Variants in PRPF8 observed in about 807,000 individuals in gnomAD.
The protein encoded by PRPF8 is pre-mRNA processing factor 8.
Under a neutral mutation model 285.9 loss-of-function variants are expected in PRPF8, and 64 were observed. The ratio of observed to expected loss-of-function variants is 0.22; its 90% confidence interval spans 0.18 to 0.28. The LOEUF is 0.28. Among genes scored for constraint, PRPF8 ranks in the 10% least tolerant of loss-of-function variants. The pLI is 1.00. For missense variants in PRPF8, 1,426 were observed against 3,026.7 expected (o/e 0.47, Z 12.41); for synonymous variants, 1,325 against 1,118.2 (o/e 1.18, Z -3.69).
At chr17:1,683,409 C>T (rs1482942659) in intron 3 of PRPF8, 124 bp downstream of exon 3, 3 of 1,085,338 alleles carry the variant, frequency 2.8e-6, no homozygotes, top group Non-Finnish European at 4.2e-6. Context: ...GAGACTCCTA[C>T]TGGTTTTCTC....
rs551668208 is a variant in PRPF8 at position 1,662,294 on chromosome 17, C to A, written c.3775-141G>T. ...CATTAGTCACTAGGGAAATAGAAAG[C>A]AAAACACAATGAGGCTGGGCGCGAT... On this transcript the variant is annotated intron_variant, in intron 24 of 42. Transcript: ENST00000304992. 9.4e-5 allele frequency: 97 copies of A among 1,035,586 alleles called. No individual in the cohort carries two copies. The African/African-American group carries it at 1.5e-3, about 16-fold the overall frequency. 64.1% of individuals were successfully genotyped at this position (1,035,586 alleles called of 1,614,324 possible). A position where few individuals can be genotyped will look rare whatever the true frequency, so the allele number is the denominator to read the frequency against.
At position 1,661,460 on chromosome 17, in the gene PRPF8, G is replaced by A; in HGVS notation, c.4203-54C>T. 4 of 1,613,394 alleles carry A rather than the reference G, an allele frequency of 2.5e-6. No individual in the cohort carries two copies. The highest frequency in any genetic ancestry group is 2.5e-6 in the Non-Finnish European group (3 of 1,179,852). On this transcript the variant is annotated intron_variant, in intron 26 of 42. Coordinates refer to ENST00000304992, the MANE Select transcript of PRPF8 (RefSeq NM_006445.4). The surrounding 1 kb of genome is among the most constrained non-coding windows in gnomAD (Gnocchi z 7.3). ...AACGTGATCTCATATGAGGAGCTCA[G>A]CACTCCTTCCTGGCCAAAAATAATT...
chr17:1,684,220 T>C (rs1219322824), intron 2 of PRPF8, among the ~76,000 whole-genome samples: 1 of 152,180 alleles, frequency 6.6e-6, no homozygotes, highest in African/African-American at 2.4e-5. Flanking sequence ...AAGGTTTTGT[T>C]ATTCTCTGTC....
intron 1 of PRPF8, 22 bp from the exon 2 acceptor site, chr17:1,684,604 A>T (rs1167829482): frequency 6.2e-7 from 1 of 1,608,364 alleles, no homozygotes; most frequent in Non-Finnish European, 8.5e-7. Flanking sequence ...CGGGATAGAA[A>T]AATTCACTAA....
chr17:1,674,858 A>G (rs1912528625), intron 20 of PRPF8, among the ~76,000 whole-genome samples, 178 bp from the exon 21 acceptor site: 1 of 151,918 alleles, frequency 6.6e-6, no homozygotes, highest in Non-Finnish European at 1.5e-5. Context: ...TGCAACCTCC[A>G]CTTCCCGGGT....
intron 24 of PRPF8, among the ~76,000 whole-genome samples, chr17:1,665,605 A>T (rs548036109): frequency 3.9e-5 from 6 of 152,020 alleles, no homozygotes; most frequent in Admixed American, 3.9e-4. Flanking sequence ...GCACTTTGGG[A>T]GGACGAGGCA....
chr17:1,660,604 T>A, intron 29 of PRPF8, 26 bp from the exon 30 acceptor site: 1 of 1,614,174 alleles, frequency 6.2e-7, no homozygotes, highest in Non-Finnish European at 8.5e-7. Flanking sequence ...CAATGTGACA[T>A]TAGAGATCAA....
Position 1,651,237 on chromosome 17 carries a change from T to G in PRPF8, c.6724A>C (p.Thr2242Pro). Reference protein sequence around the residue: ...PSGYEWGRQNTDKGNNPKGYL... With the variant: ...PSGYEWGRQNPDKGNNPKGYL... ...CCCTTGGGGTTGTTGCCCTTGTCTG[T>G]GTTCTGGCGGCCCCATTCGTAGCCA... Residue 2242 changes from threonine to proline, a missense_variant, in exon 42 of 43, where the codon ACA (threonine) becomes CCA (proline). By Grantham distance (38) the Thr-to-Pro change is conservative. This residue lies in a region of PRPF8 where 160 missense variants were observed against 373.7 expected (regional missense o/e 0.43). Coordinates refer to ENST00000304992, the MANE Select transcript of PRPF8 (RefSeq NM_006445.4). The surrounding 1 kb of genome is among the most constrained non-coding windows in gnomAD (Gnocchi z 5.1). 6.2e-7 allele frequency: 1 copy of G among 1,614,102 alleles called. No homozygotes were observed. The highest frequency in any genetic ancestry group is 8.5e-7 in the Non-Finnish European group (1 of 1,180,026).
At chr17:1,670,685 C>T (rs962725327) in intron 24 of PRPF8, among the ~76,000 whole-genome samples, 2 of 152,082 alleles carry the variant, frequency 1.3e-5, no homozygotes, top group Non-Finnish European at 2.9e-5. Flanking sequence ...TGGGGTTTCC[C>T]CATGTTGGTC....
intron 6 of PRPF8, among the ~76,000 whole-genome samples, 178 bp from the exon 7 acceptor site, chr17:1,681,232 G>A (rs1912906015): frequency 6.6e-6 from 1 of 151,984 alleles, no homozygotes; most frequent in African/African-American, 2.4e-5. Context: ...ACGAAGCTGT[G>A]AGTGTCACCA....
In PRPF8 at chr17:1,676,766, C is replaced by T. The variant is rs933557404; in HGVS notation, c.2182-55G>A. ...GGATCCAGCCAGGCACTGTGGCACA[C>T]ATCTGTAGTCCCGGCTACTCAGGAG... On this transcript the variant is annotated intron_variant, in intron 15 of 42. Coordinates refer to ENST00000304992, the MANE Select transcript of PRPF8 (RefSeq NM_006445.4). This position sits in a 1 kb window ranked among gnomAD's most constrained non-coding sequence, Gnocchi z 6.3. The T allele has an allele frequency of 5.0e-6, 8 of 1,590,808 alleles. 1 individual carries two copies. The South Asian group carries it at 6.6e-5, about 13-fold the overall frequency.
chr17:1,679,891 T>A lies in PRPF8; in HGVS notation c.1099-92A>T. The A allele has an allele frequency of 6.9e-7, 1 of 1,442,110 alleles. No homozygotes were observed. Among genetic ancestry groups the A allele is most frequent in the Non-Finnish European group, 9.8e-7 (1 of 1,023,744 alleles). 89.3% of individuals were successfully genotyped at this position (1,442,110 alleles called of 1,614,324 possible). ...ATTCTCTGGGGCCAAGCACAAAGCC[T>A]GTATCTGCTATGGAAACTGGGCTGT... On this transcript the variant is annotated intron_variant, in intron 8 of 42. Transcript: ENST00000304992. This position sits in a 1 kb window ranked among gnomAD's most constrained non-coding sequence, Gnocchi z 4.7.
In PRPF8 at chr17:1,679,206, C is replaced by T. The variant is rs1488278820; in HGVS notation, c.1410G>A (p.Arg470=). The T allele has an allele frequency of 3.7e-6, 6 of 1,614,170 alleles. No individual in the cohort carries two copies. In the South Asian group the frequency reaches 5.5e-5, roughly 15 times the overall value. The change falls in exon 11 of 43, where the codon AGG becomes AGA. Residue 470 remains arginine, a splice_region_variant and synonymous_variant. Coordinates refer to ENST00000304992, the MANE Select transcript of PRPF8 (RefSeq NM_006445.4). The surrounding 1 kb of genome is among the most constrained non-coding windows in gnomAD (Gnocchi z 4.7). ...KHRPPKAQKK[R]YLFRSFKATK... is the part of the protein sequence containing the mutation. The stretch of plus-strand genomic sequence containing the variant: ...TGGCTTTGAAGGAGCGGAACAAATA[C>T]CTGAGGTGGGAACATGGAGAGTAAG...
chr17:1,657,750 C>G (rs1597229640), intron 34 of PRPF8, among the ~76,000 whole-genome samples: 1 of 150,892 alleles, frequency 6.6e-6, no homozygotes, highest in Non-Finnish European at 1.5e-5. Flanking sequence ...AGGCAGATCA[C>G]AAAGTCAGGA....
Position 1,661,825 on chromosome 17 carries a change from TA to T in PRPF8, c.4023-36del, listed in dbSNP as rs775109683. 22 of 1,613,898 alleles carry T rather than the reference TA, an allele frequency of 1.4e-5. No homozygotes were observed. The highest frequency in any genetic ancestry group is 1.7e-5 in the Non-Finnish European group (20 of 1,180,016). On this transcript the variant is annotated intron_variant, in intron 25 of 42. Coordinates refer to ENST00000304992, the MANE Select transcript of PRPF8 (RefSeq NM_006445.4). The surrounding 1 kb of genome is among the most constrained non-coding windows in gnomAD (Gnocchi z 7.3). ...TGTACAACCAAGATTACAGAAAAAA[TA>T]AAGCCTAAAACTAAAGAAATACCCA...
At position 1,677,056 on chromosome 17, in the gene PRPF8, T is replaced by C. The variant is rs774020746; in HGVS notation, c.2101A>G (p.Ile701Val). ...HDILDMMPEG[I>V]KQNKARTILQ... ...ATTGTCCGGGCCTTGTTCTGCTTGA[T>C]CCCCTCAGGCATCATGTCCAGAATA... is the stretch of plus-strand genomic sequence containing the variant. Residue 701 changes from isoleucine to valine, a missense_variant, in exon 15 of 43, where the codon ATC (isoleucine) becomes GTC (valine). Ile to Val is a conservative substitution (Grantham distance 29, BLOSUM62 3). This residue lies in a region of PRPF8 where 30 missense variants were observed against 61.0 expected (regional missense o/e 0.49). Transcript: ENST00000304992. The C allele has an allele frequency of 1.9e-6, 3 of 1,613,746 alleles. No individual in the cohort carries two copies. The highest frequency in any genetic ancestry group is 2.5e-6 in the Non-Finnish European group (3 of 1,179,998).
In PRPF8 at chr17:1,673,037, G is replaced by C. The variant is rs779263906; in HGVS notation, c.3774+44C>G. The C allele has an allele frequency of 3.5e-5, 54 of 1,552,424 alleles. No individual in the cohort carries two copies. The highest frequency in any genetic ancestry group is 4.5e-5 in the Non-Finnish European group (51 of 1,123,736). On this transcript the variant is annotated intron_variant, in intron 24 of 42. Transcript: ENST00000304992. The surrounding 1 kb of genome is among the most constrained non-coding windows in gnomAD (Gnocchi z 5.5). Reference sequence around the variant, plus strand: ...TGAAAGGGGTGTGAAATGAGCAGAGGACAGCAGAGGACAAGAGGGAAGCTG... The same window carrying C: ...TGAAAGGGGTGTGAAATGAGCAGAGCACAGCAGAGGACAAGAGGGAAGCTG...
rs374467882 is a variant in PRPF8, at chr17:1,656,533, G to A, written c.5652C>T (p.Ile1884=). The part of the protein sequence containing the change: ...VHLLDFPNIV[I]KGSELQLPFQ... ...AAGGGAGTTGGAGCTCCGATCCTTT[G>A]ATGACAATATTGGGGAAGTCCAGTA... is the stretch of plus-strand genomic sequence containing the variant. Residue 1884 remains isoleucine, a synonymous_variant, in exon 36 of 43, where the codon ATC becomes ATT. Coordinates refer to ENST00000304992, the MANE Select transcript of PRPF8 (RefSeq NM_006445.4). 8.7e-6 allele frequency: 14 copies of A among 1,614,060 alleles called. No individual in the cohort carries two copies. The highest frequency in any genetic ancestry group is 2.2e-5 in the South Asian group (2 of 91,086).
chr17:1,653,827 G>A lies in PRPF8; in HGVS notation c.6177C>T (p.Thr2059=), dbSNP rs1254917539. The change falls in exon 38 of 43, where the codon ACC becomes ACT. Residue 2059 remains threonine (T), a synonymous_variant. Transcript: ENST00000304992. The surrounding 1 kb of genome is among the most constrained non-coding windows in gnomAD (Gnocchi z 4.9). ...AGAAAGTCTGGGTCTCATAGTTGCT[G>A]GTGGTGGAGGTGATGATCTCATCGC... The part of the protein sequence containing the change: ...KHGDEIITST[T]SNYETQTFSS... 2.5e-6 allele frequency: 4 copies of A among 1,614,030 alleles called. No homozygotes were observed. The highest frequency in any genetic ancestry group is 3.4e-6 in the Non-Finnish European group (4 of 1,180,028).
Sources: allele counts gnomAD v4.1 joint callset (sites outside exome capture counted in the v4.1 genomes callset), GRCh38; gene constraint gnomAD v4.1.1; regional missense constraint gnomAD v4.1.1; non-coding constraint Gnocchi (gnomAD v3.1); transcripts MANE v1.5; gene names NCBI Gene and HGNC (gene_info 2026-07-23, HGNC 2026-07-21).